The following NKX6-3 variants were observed in gnomAD, a reference collection of about 807,000 sequenced individuals.
The protein encoded by NKX6-3 is homeobox protein Nkx-6.3.
Under a neutral mutation model 22.0 loss-of-function variants are expected in NKX6-3, and 17 were observed. The ratio of observed to expected loss-of-function variants is 0.77; its 90% CI spans 0.53 to 1.16. The LOEUF is 1.16. Among genes scored for constraint, NKX6-3 ranks in the 50% most tolerant of loss-of-function variants. The pLI is 0.00. For synonymous variants in NKX6-3, 177 were observed against 167.2 expected (o/e 1.06, Z -0.45); for missense variants, 363 against 359.0 (o/e 1.01, Z -0.09).
In NKX6-3 at chr8:41,649,136, C is replaced by T. The variant is rs1021918071; in HGVS notation, c.383-901G>A. Among the ~76,000 whole-genome samples, 3 of 152,270 alleles carry T rather than the reference C, an allele frequency of 2.0e-5. No homozygotes were observed. In the South Asian group the frequency reaches 6.2e-4, roughly 32 times the overall value. ...CCTGAAGCCAAGCCTAAAACAGGAT[C>T]TGAGAGAGGAGGCCTTCACCCCCAG... On this transcript the variant is annotated intron_variant, in intron 1 of 2. Coordinates refer to ENST00000518699, the MANE Select transcript of NKX6-3 (RefSeq NM_001364841.2).
rs1804205968 is a variant in NKX6-3 at position 41,646,557 on chromosome 8, C to G, written c.690G>C (p.Glu230Asp). Residue 230 changes from glutamate to aspartate, a missense_variant, in exon 3 of 3, where the codon GAG becomes GAC. Coordinates refer to ENST00000518699, the MANE Select transcript of NKX6-3 (RefSeq NM_001364841.2). ...AGTCGGGGTCCAGCGGCTTGTTGTA[C>G]TCGTCGTCCTCGTTCTCCGAGGGTG... ...DRAPSENEDD[E>D]YNKPLDPDSD... 1 of 1,607,740 alleles carries G rather than the reference C, an allele frequency of 6.2e-7. No homozygotes were observed. The highest frequency in any genetic ancestry group is 1.3e-5 in the African/African-American group (1 of 74,952).
rs774365024 is a variant in NKX6-3 at position 41,650,327 on chromosome 8, T to C, written c.166A>G (p.Thr56Ala). Residue 56 changes from threonine to alanine, a missense_variant, in exon 1 of 3, where the codon ACG becomes GCG. By Grantham distance (58) the Thr-to-Ala change is moderately conservative. Around this residue, in one of 3 missense-constraint regions of NKX6-3, gnomAD observed 175 missense variants for 160.9 expected, o/e 1.09. Coordinates refer to ENST00000518699, the MANE Select transcript of NKX6-3 (RefSeq NM_001364841.2). ...GCCACGGGCCTGCTCAGGATGTCCG[T>C]GATCCCGTGGGGGGTTCCGGCGGCC... ...QLAAGTPHGITDILSRPVAAP... is the reference protein window; with the variant it reads ...QLAAGTPHGIADILSRPVAAP... The C allele has an allele frequency of 3.9e-5, 60 of 1,534,888 alleles. No homozygotes were observed. Among genetic ancestry groups the C allele is most frequent in the Non-Finnish European group, 5.0e-5 (57 of 1,146,294 alleles).
Position 41,650,413 on chromosome 8 carries a change from C to A in NKX6-3, c.80G>T (p.Cys27Phe). 2.0e-6 allele frequency: 3 copies of A among 1,535,770 alleles called. No homozygotes were observed. Among genetic ancestry groups the A allele is most frequent in the Non-Finnish European group, 2.6e-6 (3 of 1,146,758 alleles). The change falls in exon 1 of 3, where the codon TGC (cysteine) becomes TTC (phenylalanine). Residue 27 changes from cysteine (C) to phenylalanine (F), a missense_variant. Transcript: ENST00000518699. ...GAAGGAGTTCTGCACAGAGTACTGG[C>A]ACACCGGGGCCTTCATCTCCGGAAA... is the stretch of plus-strand genomic sequence containing the variant. ...AQFPEMKAPV[C>F]QYSVQNSFYK...
chr8:41,650,672 G>T lies in NKX6-3; in HGVS notation c.-180C>A, dbSNP rs913780232. On this transcript the variant is annotated 5_prime_UTR_variant, in exon 1 of 3. Transcript: ENST00000518699. Reference sequence around the variant, plus strand: ...GGAACCGGCACCCGATCAGCTGCTCGGAAGTCAGGTGCTCGGGGCAGGTGG... The same window carrying T: ...GGAACCGGCACCCGATCAGCTGCTCTGAAGTCAGGTGCTCGGGGCAGGTGG... 2.8e-4 allele frequency: 177 copies of T among 630,218 alleles called. No homozygotes were observed. The African/African-American group carries it at 3.1e-3, about 11-fold the overall frequency. 39.0% of individuals were successfully genotyped at this position (630,218 alleles called of 1,614,324 possible). A position where few individuals can be genotyped will look rare whatever the true frequency, so the allele number is the denominator to read the frequency against.
chr8:41,649,398 C>G (rs1191635506), intron 1 of NKX6-3, among the ~76,000 whole-genome samples: 1 of 152,234 alleles, frequency 6.6e-6, no homozygotes, highest in African/African-American at 2.4e-5. Context: ...TGCCTCCCAG[C>G]AGAGCCTCAC....
rs1000732205 is a variant in NKX6-3, at chr8:41,650,361, G to A, written c.132C>T (p.Gly44=). Residue 44 remains glycine, a synonymous_variant, in exon 1 of 3, where the codon GGC becomes GGT. Transcript: ENST00000518699. ...GGGGGGTTCCGGCGGCCAGCTGGGG[G>A]CCCAGCCCTGGGGGGCTGAGCTTGT... The part of the protein sequence containing the change: ...SFYKLSPPGL[G]PQLAAGTPHG... The A allele has an allele frequency of 4.6e-6, 7 of 1,535,142 alleles. No individual in the cohort carries two copies. The highest frequency in any genetic ancestry group is 5.2e-6 in the Non-Finnish European group (6 of 1,146,400).
chr8:41,647,234 C>A lies in NKX6-3; in HGVS notation c.553-540G>T, dbSNP rs566630920. 6.2e-6 allele frequency: 10 copies of A among 1,612,128 alleles called. No individual in the cohort carries two copies. The East Asian group carries it at 1.8e-4, about 29-fold the overall frequency. On this transcript the variant is annotated intron_variant, in intron 2 of 2. Coordinates refer to ENST00000518699, the MANE Select transcript of NKX6-3 (RefSeq NM_001364841.2). ...ACATGCAGGAGTGTCTGCTTCTTCC[C>A]CCCAGCTCTCGCCCCAGGGCAGCTG...
chr8:41,646,618 G>A lies in NKX6-3; in HGVS notation c.629C>T (p.Pro210Leu), dbSNP rs1342856194. The change falls in exon 3 of 3, where the codon CCG becomes CTG. Residue 210 changes from proline to leucine, a missense_variant. Pro to Leu is a moderately conservative substitution (Grantham distance 98, BLOSUM62 -3). Coordinates refer to ENST00000518699, the MANE Select transcript of NKX6-3 (RefSeq NM_001364841.2). ...GCCTGCGCCTGCACCCGCGCCGCCC[G>A]GGGCCCGGGGCGTGGAGGACGAGGG... ...LEPSSSTPRAPGGAGAGAGGD... is the reference protein window; with the variant it reads ...LEPSSSTPRALGGAGAGAGGD... The A allele has an allele frequency of 1.9e-6, 3 of 1,558,508 alleles. No individual in the cohort carries two copies. Among genetic ancestry groups the A allele is most frequent in the African/African-American group, 1.4e-5 (1 of 73,322 alleles).
intron 2 of NKX6-3, chr8:41,647,278 C>T (rs757644019): frequency 1.2e-5 from 19 of 1,607,012 alleles, no homozygotes; most frequent in South Asian, 7.8e-5. Context: ...ATGAGGAGGG[C>T]GCAGCGGGTT....
chr8:41,649,541 C>T (rs1804273354), intron 1 of NKX6-3, among the ~76,000 whole-genome samples: 4 of 152,198 alleles, frequency 2.6e-5, no homozygotes, highest in Non-Finnish European at 5.9e-5. Flanking sequence ...CAGCTGGACT[C>T]AGCAGCAACT....
At chr8:41,647,144 A>G in intron 2 of NKX6-3, 1 of 1,591,992 alleles carries the variant, frequency 6.3e-7, no homozygotes, top group Non-Finnish European at 8.6e-7. Context: ...TTAGTTAGAA[A>G]AGTAACGTAG....
At chr8:41,647,980 G>T in intron 2 of NKX6-3, 86 bp downstream of exon 2, 2 of 1,267,396 alleles carry the variant, frequency 1.6e-6, no homozygotes, top group Non-Finnish European at 2.1e-6. Flanking sequence ...GGGCTGCGTT[G>T]TGTGGCCACC....
chr8:41,649,912 T>C lies in NKX6-3; in HGVS notation c.382+199A>G, dbSNP rs574583921. The stretch of plus-strand genomic sequence containing the variant: ...ATGTGAGGGGGGTGGCTCAGACACC[T>C]GTGTCCAAGCACTGCTGGATGGGAA... On this transcript the variant is annotated intron_variant, in intron 1 of 2. Transcript: ENST00000518699. Among the ~76,000 whole-genome samples the C allele has an allele frequency of 2.0e-5, 3 of 152,186 alleles. No individual in the cohort carries two copies. The East Asian group carries it at 5.8e-4, about 29-fold the overall frequency.
At chr8:41,648,330 C>T (rs116964396) in intron 1 of NKX6-3, 95 bp from the exon 2 acceptor site, 120 of 1,095,228 alleles carry the variant, frequency 1.1e-4, no homozygotes, top group Admixed American at 9.0e-4. Flanking sequence ...TGCCCCTCTC[C>T]CTCCTGCAGA....
rs1585693457 is a variant in NKX6-3, at chr8:41,646,080, A to C, written c.*369T>G. 3.7e-6 allele frequency: 1 copy of C among 271,462 alleles called. No individual in the cohort carries two copies. The highest frequency in any genetic ancestry group is 5.4e-5 in the Admixed American group (1 of 18,556). The allele number at this position is 271,462 out of a possible 1,614,324, so 16.8% of individuals were successfully genotyped here. ...ATCACAGTGGCATGTCTGGGACCCCACAGCCAGTTTCTTGGCTGCAGAGCC... is the reference window on the plus strand; with the variant it reads ...ATCACAGTGGCATGTCTGGGACCCCCCAGCCAGTTTCTTGGCTGCAGAGCC... On this transcript the variant is annotated 3_prime_UTR_variant, in exon 3 of 3. Coordinates refer to ENST00000518699, the MANE Select transcript of NKX6-3 (RefSeq NM_001364841.2).
chr8:41,649,976 C>T (rs1585696467), intron 1 of NKX6-3, 135 bp downstream of exon 1: 1 of 940,892 alleles, frequency 1.1e-6, no homozygotes, highest in Non-Finnish European at 1.5e-6. Flanking sequence ...TGAGCTGAGG[C>T]TACGAGTCCA....
Position 41,646,055 on chromosome 8 carries a change from A to C in NKX6-3, c.*394T>G. On this transcript the variant is annotated 3_prime_UTR_variant, in exon 3 of 3. Coordinates refer to ENST00000518699, the MANE Select transcript of NKX6-3 (RefSeq NM_001364841.2). ...CCACTCCCCCCGCCCCAACAGCTGG[A>C]TCACAGTGGCATGTCTGGGACCCCA... 4.7e-6 allele frequency: 1 copy of C among 213,860 alleles called. No homozygotes were observed. The allele number at this position is 213,860 out of a possible 1,614,324, so 13.2% of individuals were successfully genotyped here.
Position 41,650,277 on chromosome 8 carries a change from G to A in NKX6-3, c.216C>T (p.Ser72=), listed in dbSNP as rs765894634. ...CAAAGCCTGCCACGTGGGGGTAGCC[G>A]GAGAGGAGGCTGTTGTTCGGCGCAG... ...PVAAPNNSLL[S]GYPHVAGFGG... The change falls in exon 1 of 3, where the codon TCC becomes TCT. Residue 72 remains serine, a synonymous_variant. Transcript: ENST00000518699. The A allele has an allele frequency of 3.8e-5, 59 of 1,534,010 alleles. No individual in the cohort carries two copies. The East Asian group carries it at 1.4e-3, about 36-fold the overall frequency.
Position 41,650,208 on chromosome 8 carries a change from C to G in NKX6-3, c.285G>C (p.Gly95=). The stretch of plus-strand genomic sequence containing the variant: ...ACTCGTTCCCAGCCTTGGAAAAATT[C>G]CCTACCTGGGGGCTGTAGTAGACCC... ...SQGVYYSPQV[G]NFSKAGNEYP... is the part of the protein sequence containing the mutation. The change falls in exon 1 of 3, where the codon GGG becomes GGC. Residue 95 remains glycine (G), a synonymous_variant. Transcript: ENST00000518699. 1 of 1,534,360 alleles carries G rather than the reference C, an allele frequency of 6.5e-7. No homozygotes were observed. Among genetic ancestry groups the G allele is most frequent in the Non-Finnish European group, 8.7e-7 (1 of 1,146,056 alleles).
Sources: gnomAD v4.1 joint callset for allele counts (sites outside exome capture counted in the v4.1 genomes callset) on GRCh38, gnomAD v4.1.1 for gene constraint, gnomAD v4.1.1 regional missense constraint, MANE v1.5 for transcripts, NCBI Gene and HGNC (gene_info 2026-07-23, HGNC 2026-07-21) for gene names.